PRKCE: variants seen among roughly 807,000 people sequenced by gnomAD.
The protein encoded by PRKCE is protein kinase C epsilon, also known as protein kinase C epsilon type.
PRKCE carries 16 observed loss-of-function variants against 85.4 expected under a neutral mutation model. That is an observed-to-expected ratio of 0.19 (90% CI 0.13 to 0.28). PRKCE has a LOEUF of 0.28. Among genes scored for constraint, PRKCE ranks in the 10% least tolerant of loss-of-function variants. The pLI is 1.00. For missense variants in PRKCE, 573 were observed against 975.2 expected, an observed-to-expected ratio of 0.59 and a Z score of 5.49; for synonymous variants, 388 against 371.5, an observed-to-expected ratio of 1.04 and a Z score of -0.51.
chr2:45,744,475 T>TTC lies in PRKCE; in HGVS notation c.348+92029_348+92030dup, dbSNP rs58831823. Among the ~76,000 whole-genome samples, 381 of 56,414 alleles carry TTC rather than the reference T, an allele frequency of 6.8e-3. 10 individuals are homozygous for TTC. The highest frequency in any genetic ancestry group is 0.023 in the Middle Eastern group (3 of 132). 37.0% of individuals were successfully genotyped at this position (56,414 alleles called of 152,430 possible). ...TTTCTTTCTTTCTTTCTTTCTTTCTTTCTTTCTTTCTTTTTCTTTCTTTCT... is the reference window on the plus strand; with the variant it reads ...TTTCTTTCTTTCTTTCTTTCTTTCTTTCTCTTTCTTTCTTTTTCTTTCTTTCT... On this transcript the variant is annotated intron_variant, in intron 1 of 14. Coordinates refer to ENST00000306156, the MANE Select transcript of PRKCE (RefSeq NM_005400.3).
At chr2:45,833,790 T>C (rs1690628328) in intron 1 of PRKCE, among the ~76,000 whole-genome samples, 1 of 152,258 alleles carries the variant, frequency 6.6e-6, no homozygotes, top group African/African-American at 2.4e-5. Flanking sequence ...AAATGCAAAG[T>C]GCAGATCGGC....
intron 13 of PRKCE, among the ~76,000 whole-genome samples, chr2:46,152,424 C>T (rs1364976675): frequency 3.3e-5 from 5 of 151,990 alleles, no homozygotes; most frequent in Admixed American, 6.6e-5. Context: ...TCAGGTGATC[C>T]GCCCACCTCA....
chr2:45,751,809 A>ATTTTTTTTTTTTTTTTTTTTTTTT (rs34589907), intron 1 of PRKCE, among the ~76,000 whole-genome samples: 1 of 78,506 alleles, frequency 1.3e-5, no homozygotes, highest in Non-Finnish European at 2.3e-5. Flanking sequence ...GCTAACCACT[A>ATTTTTTTTTTTTTTTTTTTTTTTT]TTTTTTTTTT....
chr2:45,664,053 T>C (rs2103775925), intron 1 of PRKCE, among the ~76,000 whole-genome samples: 1 of 152,338 alleles, frequency 6.6e-6, no homozygotes, highest in African/African-American at 2.4e-5. Flanking sequence ...TGGAGCAAAG[T>C]GTTGAACAAA....
Position 46,159,895 on chromosome 2 carries a change from C to A in PRKCE, c.2067+143C>A. The A allele has an allele frequency of 9.6e-7, 1 of 1,036,556 alleles. No homozygotes were observed. The highest frequency in any genetic ancestry group is 1.7e-5 in the South Asian group (1 of 60,564). 64.2% of individuals were successfully genotyped at this position (1,036,556 alleles called of 1,614,324 possible). ...AGACCAGAGGTGGCTGAGGCTCTCCCTAAGACAATGTCTTTAGGCCCCAAG... is the reference window on the plus strand; with the variant it reads ...AGACCAGAGGTGGCTGAGGCTCTCCATAAGACAATGTCTTTAGGCCCCAAG... On this transcript the variant is annotated intron_variant, in intron 14 of 14. Coordinates refer to ENST00000306156, the MANE Select transcript of PRKCE (RefSeq NM_005400.3). This position sits in a 1 kb window ranked among gnomAD's most constrained non-coding sequence, Gnocchi z 4.1.
intron 1 of PRKCE, among the ~76,000 whole-genome samples, chr2:45,781,657 G>A (rs1573332642): frequency 6.7e-6 from 1 of 150,286 alleles, no homozygotes; most frequent in African/African-American, 2.5e-5. Context: ...CCCGGCCCCC[G>A]ACATGATATT....
intron 11 of PRKCE, among the ~76,000 whole-genome samples, chr2:46,113,933 A>C (rs1032396236): frequency 2.6e-5 from 4 of 152,112 alleles, no homozygotes; most frequent in African/African-American, 9.7e-5. Flanking sequence ...TTTTCTCTTC[A>C]AGACTATTCA....
intron 2 of PRKCE, among the ~76,000 whole-genome samples, chr2:45,892,118 A>G (rs867383064): frequency 6.6e-6 from 1 of 152,018 alleles, no homozygotes; most frequent in African/African-American, 2.4e-5. Context: ...TACCATCTCC[A>G]CGATTGCTTT....
At chr2:46,079,024 A>G (rs1385145340) in intron 10 of PRKCE, among the ~76,000 whole-genome samples, 1 of 152,004 alleles carries the variant, frequency 6.6e-6, no homozygotes, top group East Asian at 1.9e-4. Flanking sequence ...TAAAAATACA[A>G]AAATTAGCAA....
At chr2:46,018,094 G>A (rs1210741484) in intron 10 of PRKCE, among the ~76,000 whole-genome samples, 3 of 152,206 alleles carry the variant, frequency 2.0e-5, no homozygotes, top group African/African-American at 7.2e-5. Context: ...TGTCCCTTAA[G>A]CTGGCAAGAG....
chr2:45,680,045 A>G (rs899442057), intron 1 of PRKCE, among the ~76,000 whole-genome samples: 6 of 152,208 alleles, frequency 3.9e-5, no homozygotes, highest in Admixed American at 2.0e-4. Context: ...TAAACAAGAG[A>G]GGTAAAGAGA....
intron 2 of PRKCE, among the ~76,000 whole-genome samples, chr2:45,913,224 G>A (rs1697507829): frequency 6.6e-6 from 1 of 152,180 alleles, no homozygotes; most frequent in South Asian, 2.1e-4. Flanking sequence ...ACATTTAACT[G>A]CAGCCTCAAA....
At chr2:45,911,387 A>T (rs140207951) in intron 2 of PRKCE, among the ~76,000 whole-genome samples, 89 of 152,330 alleles carry the variant, frequency 5.8e-4, no homozygotes, top group African/African-American at 2.0e-3. Flanking sequence ...CTGCTCAGAA[A>T]TGCTGCATTA....
intron 1 of PRKCE, among the ~76,000 whole-genome samples, chr2:45,838,378 G>A (rs968511581): frequency 5.3e-5 from 8 of 152,194 alleles, no homozygotes; most frequent in South Asian, 4.1e-4. Flanking sequence ...CTCTAAGCCT[G>A]TTTTTTCATC....
chr2:45,791,008 A>G (rs1228498552), intron 1 of PRKCE, among the ~76,000 whole-genome samples: 1 of 152,016 alleles, frequency 6.6e-6, no homozygotes, highest in Non-Finnish European at 1.5e-5. Context: ...TTGAAAAGGG[A>G]ACAGAGCAGG....
At chr2:45,876,442 AT>A (rs1224499696) in intron 2 of PRKCE, among the ~76,000 whole-genome samples, 1 of 152,152 alleles carries the variant, frequency 6.6e-6, no homozygotes, top group African/African-American at 2.4e-5. Context: ...AGCTCTTTGT[AT>A]TTGTGTTTAA....
intron 1 of PRKCE, among the ~76,000 whole-genome samples, chr2:45,685,162 A>G (rs1489590451): frequency 6.6e-6 from 1 of 152,210 alleles, no homozygotes; most frequent in African/African-American, 2.4e-5. Context: ...AAGAGCTAAC[A>G]TTCTATCTGC....
At chr2:46,055,725 A>G (rs1186046902) in intron 10 of PRKCE, among the ~76,000 whole-genome samples, 1 of 152,084 alleles carries the variant, frequency 6.6e-6, no homozygotes, top group African/African-American at 2.4e-5. Context: ...TGCAGTGGCA[A>G]GATCACCGCT....
chr2:45,662,124 G>T (rs1449401158), intron 1 of PRKCE, among the ~76,000 whole-genome samples: 1 of 152,040 alleles, frequency 6.6e-6, no homozygotes, highest in East Asian at 1.9e-4. Context: ...TTCATCATTT[G>T]GTACAGTGCT....
Sources: allele counts gnomAD v4.1 joint callset (sites outside exome capture counted in the v4.1 genomes callset), GRCh38; gene constraint gnomAD v4.1.1; non-coding constraint Gnocchi (gnomAD v3.1); transcripts MANE v1.5; gene names NCBI Gene and HGNC (gene_info 2026-07-23, HGNC 2026-07-21).